The following BAZ2A variants were observed in gnomAD, a reference collection of about 807,000 sequenced individuals.
BAZ2A encodes the protein bromodomain adjacent to zinc finger domain protein 2A.
Under a neutral mutation model 199.9 loss-of-function variants are expected in BAZ2A, and 34 were observed. That is an observed-to-expected ratio of 0.17 (90% CI 0.13 to 0.23). The LOEUF (loss-of-function observed/expected upper bound fraction) is 0.23. BAZ2A is among the 10% of genes least tolerant of loss of function. BAZ2A has a pLI of 1.00. For missense variants in BAZ2A, 2,002 were observed against 2,391.1 expected (o/e 0.84, Z 3.39); for synonymous variants, 857 against 883.9 (o/e 0.97, Z 0.54).
In BAZ2A at chr12:56,615,345, G is replaced by A. The variant is rs1224283972; in HGVS notation, c.399C>T (p.Ser133=). The A allele has an allele frequency of 1.9e-6, 3 of 1,613,788 alleles. No homozygotes were observed. Among genetic ancestry groups the A allele is most frequent in the South Asian group, 2.2e-5 (2 of 91,070 alleles). Residue 133 remains serine (S), a synonymous_variant, in exon 3 of 29, where the codon TCC becomes TCT. Coordinates refer to ENST00000549884, the MANE Select transcript of BAZ2A (RefSeq NM_001300905.2). Reference sequence around the variant, plus strand: ...CCCGAAGGTTAGTGTTATGACTTGGGGATGAAGGTTGCCGGCTGCCCCCAA... The same window carrying A: ...CCCGAAGGTTAGTGTTATGACTTGGAGATGAAGGTTGCCGGCTGCCCCCAA... ...GILGGSRQPS[S]PSHNTNLRAG... is the part of the protein sequence containing the mutation.
At chr12:56,602,908 G>A (rs780640714) in intron 18 of BAZ2A, 51 bp from the exon 19 acceptor site, 18 of 1,554,316 alleles carry the variant, frequency 1.2e-5, no homozygotes, top group Non-Finnish European at 1.4e-5. Flanking sequence ...CAGAGTGACA[G>A]TGGTGAATTC....
Position 56,598,346 on chromosome 12 carries a change from C to A in BAZ2A, c.*272G>T, listed in dbSNP as rs1005797901. Reference sequence around the variant, plus strand: ...CCCCATTTTTAATTAGCAAATAAAACAGAAAAGAAAAATTATTTTTTTCTT... The same window carrying A: ...CCCCATTTTTAATTAGCAAATAAAAAAGAAAAGAAAAATTATTTTTTTCTT... On this transcript the variant is annotated 3_prime_UTR_variant, in exon 29 of 29. Coordinates refer to ENST00000549884, the MANE Select transcript of BAZ2A (RefSeq NM_001300905.2). 3 of 360,996 alleles carry A rather than the reference C, an allele frequency of 8.3e-6. No individual in the cohort carries two copies. Among genetic ancestry groups the A allele is most frequent in the Admixed American group, 8.6e-5 (2 of 23,122 alleles). The allele number at this position is 360,996 out of a possible 1,614,324, so 22.4% of individuals were successfully genotyped here.
chr12:56,620,164 TTAAAAAAAAAAAAAAAA>T (rs1732590213), intron 1 of BAZ2A, among the ~76,000 whole-genome samples: 1 of 146,538 alleles, frequency 6.8e-6, no homozygotes, highest in South Asian at 2.1e-4. Context: ...CTGATGAGCT[TTAAAAAAAAAAAAAAAA>T]TCACAAGAAA....
rs35960815 is a variant in BAZ2A at position 56,597,637 on chromosome 12, GACACACACACAC to G, written c.*969_*980del. On this transcript the variant is annotated 3_prime_UTR_variant, in exon 29 of 29. Transcript: ENST00000549884. ...CACACACACAGCGCGCTCTGAGGCCGACACACACACACACACACACACACACACACACACACA... is the reference window on the plus strand; with the variant it reads ...CACACACACAGCGCGCTCTGAGGCCGACACACACACACACACACACACACA... 4.7e-3 allele frequency: 602 copies of G among 127,244 alleles called. 1 individual carries two copies. Among genetic ancestry groups the G allele is most frequent in the Middle Eastern group, 7.6e-3 (2 of 264 alleles). 7.9% of individuals were successfully genotyped at this position (127,244 alleles called of 1,614,324 possible).
At chr12:56,634,978 G>GGCGGCA, upstream of BAZ2A, 2 of 984,916 alleles carry the variant, frequency 2.0e-6, no homozygotes, top group Non-Finnish European at 2.4e-6. Flanking sequence ...CGGCGGCGGC[G>GGCGGCA]GCGGCAGAGG....
In BAZ2A at chr12:56,601,939, A is replaced by T; in HGVS notation, c.3678T>A (p.His1226Gln). Residue 1226 changes from histidine (H) to glutamine (Q), a missense_variant, in exon 20 of 29, where the codon CAT (histidine) becomes CAA (glutamine). His to Gln is a conservative substitution (Grantham distance 24). This residue lies in a region of BAZ2A where 1,081 missense variants were observed against 1,274.7 expected (regional missense o/e 0.85). Transcript: ENST00000549884. ...QAQLQPEAQLHAPAQPQPQLQ... is the reference protein window; with the variant it reads ...QAQLQPEAQLQAPAQPQPQLQ... ...GCTGAGGCTGGGGCTGGGCAGGAGC[A>T]TGAAGCTGAGCCTCAGGCTGAAGCT... The T allele has an allele frequency of 3.8e-6, 6 of 1,578,152 alleles. No individual in the cohort carries two copies. The highest frequency in any genetic ancestry group is 5.2e-6 in the Non-Finnish European group (6 of 1,161,746).
intron 14 of BAZ2A, 133 bp from the exon 15 acceptor site, chr12:56,604,932 A>T: frequency 7.2e-7 from 1 of 1,379,926 alleles, no homozygotes; most frequent in Non-Finnish European, 9.7e-7. Context: ...ACCACAAAAG[A>T]AAAGGAAAAA....
chr12:56,616,143 C>T (rs1275400852), intron 2 of BAZ2A, among the ~76,000 whole-genome samples: 1 of 152,100 alleles, frequency 6.6e-6, no homozygotes, highest in Non-Finnish European at 1.5e-5. Context: ...CCTCGTGATC[C>T]ACCTGCCTCG....
chr12:56,629,556 CGCAGCACCACCCTCA>C (rs1951225474), intron 1 of BAZ2A, among the ~76,000 whole-genome samples: 1 of 152,190 alleles, frequency 6.6e-6, no homozygotes, highest in South Asian at 2.1e-4. Context: ...CCAAGCCAAG[CGCAGCACCACCCTCA>C]GCAAGGAAGG....
rs1314968193 is a variant in BAZ2A, at chr12:56,601,371, G to T, written c.4103C>A (p.Ser1368Tyr). The T allele has an allele frequency of 5.0e-6, 8 of 1,613,908 alleles. No homozygotes were observed. The highest frequency in any genetic ancestry group is 4.4e-5 in the South Asian group (4 of 91,074). The change falls in exon 21 of 29, where the codon TCT (serine) becomes TAT (tyrosine). Residue 1368 changes from serine (S) to tyrosine (Y), a missense_variant. This residue lies in a region of BAZ2A where 1,081 missense variants were observed against 1,274.7 expected (regional missense o/e 0.85). Transcript: ENST00000549884. ...GGGCGTGGAAGAGAACTGCACTGGA[G>T]AACAAGGGTTGGCAGCACTAGGTCT... ...MNRPSAANPC[S>Y]PVQFSSTPLA...
At position 56,600,806 on chromosome 12, in the gene BAZ2A, G is replaced by A. The variant is rs878919498; in HGVS notation, c.4477C>T (p.Pro1493Ser). Residue 1493 changes from proline to serine, a missense_variant, in exon 23 of 29, where the codon CCT (proline) becomes TCT (serine). Physicochemically the swap from Pro to Ser is moderately conservative, Grantham distance 74. This residue lies in a region of BAZ2A where 1,081 missense variants were observed against 1,274.7 expected (regional missense o/e 0.85). Coordinates refer to ENST00000549884, the MANE Select transcript of BAZ2A (RefSeq NM_001300905.2). ...CTCATAATCCCTTCTTGAAAGGCAG[G>A]TAGTTGCCTGGGCTCAAAGATGGGG... Reference protein sequence around the residue: ...ADPIFEPRQLPAFQEGIMSWS... With the variant: ...ADPIFEPRQLSAFQEGIMSWS... 6.2e-7 allele frequency: 1 copy of A among 1,613,884 alleles called. No homozygotes were observed. The highest frequency in any genetic ancestry group is 8.5e-7 in the Non-Finnish European group (1 of 1,179,870).
At chr12:56,602,220 A>G in intron 19 of BAZ2A, 28 bp from the exon 20 acceptor site, 1 of 1,514,672 alleles carries the variant, frequency 6.6e-7, no homozygotes, top group Non-Finnish European at 9.0e-7. Flanking sequence ...GAGTTAAGCC[A>G]TATGCTGACA....
At chr12:56,633,140 C>A (rs1291880818), upstream of BAZ2A, among the ~76,000 whole-genome samples, 2 of 152,164 alleles carry the variant, frequency 1.3e-5, no homozygotes, top group Non-Finnish European at 2.9e-5. Context: ...AGCACCTGCA[C>A]CCCCTTTCTC....
rs1390649387 is a variant in BAZ2A at position 56,606,642 on chromosome 12, G to A, written c.2184C>T (p.Ile728=). Residue 728 remains isoleucine (I), a synonymous_variant, in exon 11 of 29, where the codon ATC becomes ATT. Coordinates refer to ENST00000549884, the MANE Select transcript of BAZ2A (RefSeq NM_001300905.2). ...CTCTGATGTCCCTCACCTGCCCTTGGATAGTAGTCTGACACTCTCCCCGTT... is the reference window on the plus strand; with the variant it reads ...CTCTGATGTCCCTCACCTGCCCTTGAATAGTAGTCTGACACTCTCCCCGTT... ...KVQRGECQTT[I]QGQARNKRKQ... is the part of the protein sequence containing the mutation. The A allele has an allele frequency of 2.5e-6, 4 of 1,613,642 alleles. No individual in the cohort carries two copies. The highest frequency in any genetic ancestry group is 3.4e-6 in the Non-Finnish European group (4 of 1,179,652).
chr12:56,635,117 G>A, upstream of BAZ2A: 2 of 863,412 alleles, frequency 2.3e-6, no homozygotes, highest in Non-Finnish European at 2.8e-6. This position sits in a 1 kb window ranked among gnomAD's most constrained non-coding sequence, Gnocchi z 4.1. Context: ...CAGGAGAGCA[G>A]TCGCGAAGGA....
chr12:56,637,763 T>G (rs1035371915), upstream of BAZ2A, among the ~76,000 whole-genome samples: 2 of 130,286 alleles, frequency 1.5e-5, no homozygotes, highest in East Asian at 2.1e-4. Flanking sequence ...CCACATGGAA[T>G]AGAGGCCAAA....
chr12:56,599,245 C>CAGT lies in BAZ2A; in HGVS notation c.5283_5285dup (p.Leu1763dup). 1 of 1,613,364 alleles carries CAGT rather than the reference C, an allele frequency of 6.2e-7. No homozygotes were observed. The highest frequency in any genetic ancestry group is 8.5e-7 in the Non-Finnish European group (1 of 1,179,752). On this transcript the variant is annotated inframe_insertion, in exon 27 of 29. Transcript: ENST00000549884. ...CTGCTGGGCTTTCTCGGCCCCTCAA[C>CAGT]AGTACCCGGCGTCGGCGGCCATCAC...
At chr12:56,609,488 G>T (rs1950490301) in intron 10 of BAZ2A, among the ~76,000 whole-genome samples, 1 of 152,178 alleles carries the variant, frequency 6.6e-6, no homozygotes, top group South Asian at 2.1e-4. Context: ...TCTCCTCTGG[G>T]CTAAACACAC....
Position 56,605,304 on chromosome 12 carries a change from G to A in BAZ2A, c.2517C>T (p.Val839=), listed in dbSNP as rs772608398. 5 of 1,612,966 alleles carry A rather than the reference G, an allele frequency of 3.1e-6. No individual in the cohort carries two copies. The highest frequency in any genetic ancestry group is 3.3e-5 in the Admixed American group (2 of 59,958). ...CTCCACTGGGCAATGTCAGACCAGG[G>A]ACTCGTGAGAAGTCAGGCAGGGGCT... ...DHQPLPDFSR[V]PGLTLPSGAF... The change falls in exon 14 of 29, where the codon GTC becomes GTT. Residue 839 remains valine (V), a synonymous_variant. Transcript: ENST00000549884.
Sources: allele counts gnomAD v4.1 joint callset (sites outside exome capture counted in the v4.1 genomes callset), GRCh38; gene constraint gnomAD v4.1.1; regional missense constraint gnomAD v4.1.1; non-coding constraint Gnocchi (gnomAD v3.1); transcripts MANE v1.5; gene names NCBI Gene and HGNC (gene_info 2026-07-23, HGNC 2026-07-21).